The following UNC5C variants were observed in gnomAD, a reference collection of about 807,000 sequenced individuals.
UNC5C encodes unc-5 netrin receptor C.
UNC5C carries 47 observed loss-of-function variants against 99.8 expected under a neutral mutation model. That is an observed-to-expected ratio of 0.47 (90% CI 0.37 to 0.60). The LOEUF (loss-of-function observed/expected upper bound fraction) is 0.60. Among genes scored for constraint, UNC5C ranks in the 20% least tolerant of loss-of-function variants. UNC5C has a pLI of 0.00. For synonymous variants in UNC5C, 487 were observed against 452.2 expected, an observed-to-expected ratio of 1.08 and a Z score of -0.98; for missense variants, 1,062 against 1,165.9, an observed-to-expected ratio of 0.91 and a Z score of 1.30.
At chr4:95,431,139 C>T (rs1475794779) in intron 1 of UNC5C, among the ~76,000 whole-genome samples, 1 of 152,020 alleles carries the variant, frequency 6.6e-6, no homozygotes, top group Non-Finnish European at 1.5e-5. Flanking sequence ...TTAGGTAACT[C>T]CCATGCGACC....
intron 1 of UNC5C, among the ~76,000 whole-genome samples, chr4:95,534,122 G>A (rs548996863): frequency 3.9e-5 from 6 of 152,304 alleles, no homozygotes; most frequent in East Asian, 1.9e-4. Context: ...AGTTGGGGAG[G>A]AGGGTTGGGC....
intron 1 of UNC5C, among the ~76,000 whole-genome samples, chr4:95,469,286 TTCTCCTGTTATCTTGACA>T (rs1379914494): frequency 6.6e-6 from 1 of 152,194 alleles, no homozygotes; most frequent in African/African-American, 2.4e-5. Context: ...CTGAAGCTGC[TTCTCCTGTTATCTTGACA>T]TTTAAAATCT....
At chr4:95,505,312 T>A (rs1721887716) in intron 1 of UNC5C, among the ~76,000 whole-genome samples, 1 of 152,108 alleles carries the variant, frequency 6.6e-6, no homozygotes. Context: ...CAGGTCTTTA[T>A]GAGCGAGCAG....
chr4:95,497,093 G>A (rs975873531), intron 1 of UNC5C, among the ~76,000 whole-genome samples: 2 of 151,898 alleles, frequency 1.3e-5, no homozygotes, highest in African/African-American at 2.4e-5. Context: ...TGAGCACTTA[G>A]GTTGGTTCCA....
chr4:95,413,156 C>T (rs963177865), intron 1 of UNC5C, among the ~76,000 whole-genome samples: 5 of 152,172 alleles, frequency 3.3e-5, no homozygotes, highest in Non-Finnish European at 7.3e-5. Context: ...ACATTCCAAC[C>T]TCCTGATTTA....
In UNC5C at chr4:95,163,448, G is replaced by A. The variant is rs1735749805; in HGVS notation, c.*5786C>T. The A allele has an allele frequency of 6.6e-6, 1 of 152,232 alleles. No homozygotes were observed. The highest frequency in any genetic ancestry group is 6.5e-5 in the Admixed American group (1 of 15,292). The allele number at this position is 152,232 out of a possible 1,614,324, so 9.4% of individuals were successfully genotyped here. On this transcript the variant is annotated 3_prime_UTR_variant, in exon 16 of 16. Coordinates refer to ENST00000453304, the MANE Select transcript of UNC5C (RefSeq NM_003728.4). Reference sequence around the variant, plus strand: ...CAAAAGAGAGCCCATCAATCCTTAGGCTGCTGATCAGCAAAACCTGCCTAC... The same window carrying A: ...CAAAAGAGAGCCCATCAATCCTTAGACTGCTGATCAGCAAAACCTGCCTAC...
At chr4:95,472,083 T>C (rs1047025834) in intron 1 of UNC5C, among the ~76,000 whole-genome samples, 9 of 152,136 alleles carry the variant, frequency 5.9e-5, no homozygotes, top group Admixed American at 5.9e-4. Flanking sequence ...AGGATAGATG[T>C]GTGTTAAAAT....
At chr4:95,418,702 C>T (rs1358065167) in intron 1 of UNC5C, among the ~76,000 whole-genome samples, 1 of 152,144 alleles carries the variant, frequency 6.6e-6, no homozygotes, top group Non-Finnish European at 1.5e-5. Context: ...AACATGTTAT[C>T]AAATACCTCT....
chr4:95,429,280 T>A (rs1332832370), intron 1 of UNC5C, among the ~76,000 whole-genome samples: 5 of 94,940 alleles, frequency 5.3e-5, no homozygotes, highest in Admixed American at 1.3e-4. Context: ...TAGTGATTCT[T>A]AAAAAAAAAA....
intron 1 of UNC5C, among the ~76,000 whole-genome samples, chr4:95,546,748 C>T (rs1056296864): frequency 6.6e-6 from 1 of 152,126 alleles, no homozygotes; most frequent in Non-Finnish European, 1.5e-5. Flanking sequence ...TCTCTTCTCC[C>T]TTCTTCTTTC....
At chr4:95,499,061 T>G (rs1242507350) in intron 1 of UNC5C, among the ~76,000 whole-genome samples, 2 of 152,064 alleles carry the variant, frequency 1.3e-5, no homozygotes, top group East Asian at 3.9e-4. Flanking sequence ...CCTGATGAAA[T>G]GCAGACTCAA....
At chr4:95,536,173 T>A (rs1218737028) in intron 1 of UNC5C, among the ~76,000 whole-genome samples, 1 of 151,788 alleles carries the variant, frequency 6.6e-6, no homozygotes, top group Admixed American at 6.6e-5. Flanking sequence ...TGCCTCCTGT[T>A]CAAGTGATTC....
intron 1 of UNC5C, among the ~76,000 whole-genome samples, chr4:95,546,099 G>A (rs1193570149): frequency 6.6e-6 from 1 of 152,162 alleles, no homozygotes; most frequent in Non-Finnish European, 1.5e-5. Flanking sequence ...CAGTACTTCA[G>A]CAACAGAATA....
At chr4:95,525,027 G>T (rs1278143196) in intron 1 of UNC5C, among the ~76,000 whole-genome samples, 1 of 152,040 alleles carries the variant, frequency 6.6e-6, no homozygotes, top group African/African-American at 2.4e-5. Flanking sequence ...ATGGGTCACC[G>T]AAGCCTGGTT....
intron 1 of UNC5C, among the ~76,000 whole-genome samples, chr4:95,436,767 A>G (rs1407053295): frequency 6.6e-6 from 1 of 152,002 alleles, no homozygotes; most frequent in Non-Finnish European, 1.5e-5. Context: ...GGTGTGGGAA[A>G]GATGCCCTCA....
At chr4:95,348,637 T>C (rs962831324) in intron 1 of UNC5C, among the ~76,000 whole-genome samples, 5 of 149,278 alleles carry the variant, frequency 3.3e-5, no homozygotes, top group Non-Finnish European at 7.5e-5. Flanking sequence ...CTCCATTGTG[T>C]ATATCTACCA....
At chr4:95,170,013 G>A (rs1050844251) in intron 15 of UNC5C, 141 bp downstream of exon 15, 23 of 1,072,306 alleles carry the variant, frequency 2.1e-5, no homozygotes, top group Non-Finnish European at 2.9e-5. Context: ...CAAGGACAGA[G>A]CTTAATGCAT....
At chr4:95,205,475 G>T (rs1737842550) in intron 11 of UNC5C, among the ~76,000 whole-genome samples, 1 of 152,028 alleles carries the variant, frequency 6.6e-6, no homozygotes, top group South Asian at 2.1e-4. Context: ...GGAAATCCCA[G>T]TGAATCCCAG....
chr4:95,375,250 G>GAA (rs1259028480), intron 1 of UNC5C, among the ~76,000 whole-genome samples: 2 of 152,050 alleles, frequency 1.3e-5, no homozygotes, highest in African/African-American at 4.8e-5. Context: ...ATTAGAATTG[G>GAA]TTATGAAGAA....
Sources: gnomAD v4.1 joint callset for allele counts (sites outside exome capture counted in the v4.1 genomes callset) on GRCh38, gnomAD v4.1.1 for gene constraint, MANE v1.5 for transcripts, NCBI Gene and HGNC (gene_info 2026-07-23, HGNC 2026-07-21) for gene names.